The following SHROOM2 variants were observed in gnomAD, a reference collection of about 807,000 sequenced individuals.
SHROOM2 encodes the protein shroom family member 2, also known as protein Shroom2.
A neutral mutation model predicts 75.9 loss-of-function variants in SHROOM2; 33 were observed. The ratio of observed to expected loss-of-function variants is 0.43; its 90% CI spans 0.33 to 0.58. The LOEUF (loss-of-function observed/expected upper bound fraction) is 0.58, where lower values mean the gene tolerates loss of function less well. Ranked by LOEUF, SHROOM2 falls within the 20% of genes least tolerant of loss-of-function variation. The pLI is 0.04. For missense variants in SHROOM2, 1,434 were observed against 1,461.2 expected (o/e 0.98, Z 0.30); for synonymous variants, 655 against 663.6 (o/e 0.99, Z 0.20).
chrX:9,941,949 T>A (rs1024002888), intron 8 of SHROOM2, among the ~76,000 whole-genome samples: 1 of 84,890 alleles, frequency 1.2e-5, no homozygotes, highest in Non-Finnish European at 2.2e-5. Context: ...CCAGCCTGGG[T>A]GGCAGAGCAG....
At chrX:9,946,606 T>G (rs997037213) in intron 9 of SHROOM2, 65 bp from the exon 10 acceptor site, 102 of 1,099,788 alleles carry the variant, frequency 9.3e-5, no homozygotes, top group Non-Finnish European at 1.2e-4. Context: ...GCCAGTGTCT[T>G]CAAGGGTTGG....
chrX:9,922,851 C>G (rs12392524), intron 5 of SHROOM2, among the ~76,000 whole-genome samples: 12,187 of 110,651 alleles, frequency 0.11, 1,723 homozygotes, highest in African/African-American at 0.38. Flanking sequence ...TTGAGACTTT[C>G]TGGAATTGAG....
At chrX:9,901,322 A>T in intron 5 of SHROOM2, among the ~76,000 whole-genome samples, 1 of 112,047 alleles carries the variant, frequency 8.9e-6, no homozygotes, top group East Asian at 2.8e-4. Context: ...TGGCTTCAGC[A>T]CATTGATTTT....
Position 9,949,043 on chromosome X carries a change from C to G in SHROOM2, c.*2106C>G, listed in dbSNP as rs1319137699. 2 of 178,692 alleles carry G rather than the reference C, an allele frequency of 1.1e-5. No individual in the cohort carries two copies. The highest frequency in any genetic ancestry group is 2.5e-4 in the East Asian group (2 of 8,142). The allele number at this position is 178,692 out of a possible 1,213,427, so 14.7% of individuals were successfully genotyped here. A position where few individuals can be genotyped will look rare whatever the true frequency, so the allele number is the denominator to read the frequency against. ...CCTTTTGATGTCTTTTTAGGACTTT[C>G]TCTTCTACACAGCAATACGTCGTGC... On this transcript the variant is annotated 3_prime_UTR_variant, in exon 10 of 10. Coordinates refer to ENST00000380913, the MANE Select transcript of SHROOM2 (RefSeq NM_001649.4).
chrX:9,858,198 A>T (rs773162096), intron 1 of SHROOM2, among the ~76,000 whole-genome samples: 1 of 111,943 alleles, frequency 8.9e-6, no homozygotes, highest in East Asian at 2.8e-4. Flanking sequence ...CTCCAGAGAA[A>T]GGTGCAGCAG....
intron 2 of SHROOM2, among the ~76,000 whole-genome samples, chrX:9,882,881 A>C (rs1368791431): frequency 2.7e-5 from 3 of 112,293 alleles, no homozygotes; most frequent in Admixed American, 9.4e-5. Flanking sequence ...CTTCATGTTT[A>C]AAAGCAGGAA....
intron 1 of SHROOM2, among the ~76,000 whole-genome samples, chrX:9,869,896 G>A (rs1279836929): frequency 9.0e-6 from 1 of 111,406 alleles, no homozygotes; most frequent in Non-Finnish European, 1.9e-5. Flanking sequence ...TAGGTGTATC[G>A]ATGTCCTTAG....
intron 1 of SHROOM2, among the ~76,000 whole-genome samples, chrX:9,856,662 C>T (rs1320983013): frequency 1.8e-5 from 2 of 111,678 alleles, no homozygotes; most frequent in Non-Finnish European, 3.8e-5. Flanking sequence ...TGGGATGCAG[C>T]GCCGGGGCAC....
intron 1 of SHROOM2, among the ~76,000 whole-genome samples, chrX:9,826,413 CT>C (rs897611062): frequency 7.3e-5 from 8 of 109,951 alleles, no homozygotes; most frequent in African/African-American, 9.9e-5. Flanking sequence ...TATCATTTTC[CT>C]TTTTTTTTAA....
chrX:9,803,875 C>T (rs779341320), intron 1 of SHROOM2, among the ~76,000 whole-genome samples: 2 of 111,191 alleles, frequency 1.8e-5, no homozygotes, highest in East Asian at 2.9e-4. Context: ...TTGGGCAGCA[C>T]GGGTTCTCGA....
intron 6 of SHROOM2, among the ~76,000 whole-genome samples, 193 bp from the exon 7 acceptor site, chrX:9,936,941 G>T (rs780440682): frequency 9.0e-6 from 1 of 111,481 alleles, no homozygotes; most frequent in African/African-American, 3.3e-5. Context: ...GAAGGCGGAG[G>T]TAGGAGTCAG....
At chrX:9,811,022 C>T (rs771191191) in intron 1 of SHROOM2, among the ~76,000 whole-genome samples, 1 of 111,937 alleles carries the variant, frequency 8.9e-6, no homozygotes, top group African/African-American at 3.2e-5. Flanking sequence ...TCCGTGAGTC[C>T]ACAGATGGTA....
intron 2 of SHROOM2, among the ~76,000 whole-genome samples, chrX:9,875,172 A>G (rs189586100): frequency 1.9e-5 from 2 of 104,883 alleles, no homozygotes; most frequent in African/African-American, 6.9e-5. Flanking sequence ...TAAGTGGTAC[A>G]TGCTATTCCT....
chrX:9,910,334 TA>T (rs2084415804), intron 5 of SHROOM2, among the ~76,000 whole-genome samples: 1 of 111,528 alleles, frequency 9.0e-6, no homozygotes, highest in African/African-American at 3.3e-5. Flanking sequence ...ATATTAATAA[TA>T]GGGGGAAGTG....
intron 1 of SHROOM2, among the ~76,000 whole-genome samples, chrX:9,862,327 G>C (rs1198193624): frequency 9.1e-5 from 10 of 110,306 alleles, no homozygotes; most frequent in Non-Finnish European, 1.9e-4. Context: ...AATAAATTTG[G>C]AACTATTCTC....
chrX:9,863,959 A>G (rs1346678593), intron 1 of SHROOM2, among the ~76,000 whole-genome samples: 1 of 111,496 alleles, frequency 9.0e-6, no homozygotes, highest in African/African-American at 3.3e-5. Flanking sequence ...CAGGTACTCC[A>G]GCGACCTTCT....
chrX:9,836,949 C>T (rs1323971374), intron 1 of SHROOM2, among the ~76,000 whole-genome samples: 1 of 112,431 alleles, frequency 8.9e-6, no homozygotes, highest in Non-Finnish European at 1.9e-5. Flanking sequence ...TGGACACTCC[C>T]TGTACATGGA....
chrX:9,800,418 G>T (rs764929865), intron 1 of SHROOM2, among the ~76,000 whole-genome samples: 2 of 110,592 alleles, frequency 1.8e-5, no homozygotes, highest in African/African-American at 6.6e-5. Context: ...TTGGCTCACT[G>T]CAACCTCCGC....
intron 1 of SHROOM2, among the ~76,000 whole-genome samples, chrX:9,802,115 G>C (rs2083726836): frequency 9.3e-6 from 1 of 106,963 alleles, no homozygotes; most frequent in South Asian, 4.2e-4. Flanking sequence ...TTTTTTAAAA[G>C]AGATGGGGTC....
Sources: gnomAD v4.1 joint callset for allele counts (sites outside exome capture counted in the v4.1 genomes callset) on GRCh38, gnomAD v4.1.1 for gene constraint, MANE v1.5 for transcripts, NCBI Gene and HGNC (gene_info 2026-07-23, HGNC 2026-07-21) for gene names.